WWOX: variants seen among roughly 807,000 people sequenced by gnomAD.
The protein encoded by WWOX is WW domain containing oxidoreductase, also known as WW domain-containing oxidoreductase.
WWOX carries 69 observed loss-of-function variants against 46.2 expected under a neutral mutation model. That is an observed-to-expected ratio of 1.49 (90% CI 1.23 to 1.82). The LOEUF (loss-of-function observed/expected upper bound fraction) is 1.82, where lower values mean the gene tolerates loss of function less well. Among genes scored for constraint, WWOX ranks in the 40% most tolerant of loss-of-function variants. The pLI is 0.00. For missense variants in WWOX, 919 were observed against 542.6 expected (o/e 1.69, Z -6.89); for synonymous variants, 359 against 202.6 (o/e 1.77, Z -6.56).
intron 3 of WWOX, among the ~76,000 whole-genome samples, chr16:78,112,676 TTTTTTTTTTTTTTCCAAGTTTTCTTTC>T (rs1287913919): frequency 1.1e-5 from 1 of 91,592 alleles, no homozygotes; most frequent in East Asian, 4.0e-4. Context: ...GTTGAAAATG[TTTTTTTTTTTTTTCCAAGTTTTCTTTC>T]TTTTTTTTTT....
At chr16:78,693,143 A>G (rs1471926389) in intron 8 of WWOX, among the ~76,000 whole-genome samples, 1 of 152,214 alleles carries the variant, frequency 6.6e-6, no homozygotes, top group Non-Finnish European at 1.5e-5. Flanking sequence ...TGTTGCAGAC[A>G]ATGTATATTT....
chr16:79,127,728 T>C (rs2049789263), intron 8 of WWOX, among the ~76,000 whole-genome samples: 1 of 151,354 alleles, frequency 6.6e-6, no homozygotes, highest in African/African-American at 2.4e-5. Flanking sequence ...ACATTCCCAC[T>C]AAGCAACATA....
chr16:79,113,756 A>C (rs944503895), intron 8 of WWOX, among the ~76,000 whole-genome samples: 6 of 152,156 alleles, frequency 3.9e-5, no homozygotes, highest in African/African-American at 1.4e-4. Flanking sequence ...TCACCCGAGG[A>C]GGGGAAGAGG....
At position 78,862,414 on chromosome 16, in the gene WWOX, CTG is replaced by C. The variant is rs200605086; in HGVS notation, c.1057-349190_1057-349189del. On this transcript the variant is annotated intron_variant, in intron 8 of 8. Transcript: ENST00000566780. ...CACACTATAGTGTATGTACTATACA[CTG>C]TGTACTAATACAGTGTATAATGTAT... Among the ~76,000 whole-genome samples, 353 of 151,638 alleles carry C rather than the reference CTG, an allele frequency of 2.3e-3. 10 individuals are homozygous for C. The East Asian group carries it at 0.064, about 27-fold the overall frequency.
chr16:78,626,632 C>G lies in WWOX; in HGVS notation c.1056+193880C>G, dbSNP rs151081140. Among the ~76,000 whole-genome samples the G allele has an allele frequency of 2.6e-3, 397 of 152,290 alleles. 2 individuals are homozygous for G. Among genetic ancestry groups the G allele is most frequent in the African/African-American group, 9.1e-3 (377 of 41,560 alleles). ...TAGGTTTCTCCACTGCACACTTAGT[C>G]TTTCCCTCTACTTTCCACACTGCTG... On this transcript the variant is annotated intron_variant, in intron 8 of 8. Transcript: ENST00000566780.
chr16:78,546,754 C>G (rs111596947), intron 8 of WWOX, among the ~76,000 whole-genome samples: 1 of 152,100 alleles, frequency 6.6e-6, no homozygotes, highest in Non-Finnish European at 1.5e-5. Flanking sequence ...TGAGAAAGCT[C>G]CATCTAAAGA....
intron 8 of WWOX, among the ~76,000 whole-genome samples, chr16:78,730,191 G>A (rs994088589): frequency 6.6e-6 from 1 of 152,072 alleles, no homozygotes; most frequent in Admixed American, 6.5e-5. Context: ...TTAAAGCTCT[G>A]GTTACATATG....
At chr16:78,376,081 C>T (rs1339806976) in intron 5 of WWOX, among the ~76,000 whole-genome samples, 1 of 152,092 alleles carries the variant, frequency 6.6e-6, no homozygotes, top group Non-Finnish European at 1.5e-5. Context: ...AACTCCTGAC[C>T]TCAAGTGATC....
chr16:78,189,741 G>A (rs1352310298), intron 5 of WWOX, among the ~76,000 whole-genome samples: 3 of 152,068 alleles, frequency 2.0e-5, no homozygotes, highest in Admixed American at 6.6e-5. Flanking sequence ...TGCAACCTCC[G>A]CCTCCCAAGT....
chr16:78,610,411 T>A (rs946564732), intron 8 of WWOX, among the ~76,000 whole-genome samples: 3 of 152,202 alleles, frequency 2.0e-5, no homozygotes, highest in African/African-American at 7.2e-5. Context: ...TCTTCTTCTA[T>A]CAAAGGAAGA....
chr16:78,554,285 C>T (rs956038618), intron 8 of WWOX, among the ~76,000 whole-genome samples: 10 of 152,118 alleles, frequency 6.6e-5, no homozygotes, highest in Admixed American at 1.3e-4. Context: ...GTATAAGCCC[C>T]GTAGTAATAT....
chr16:78,396,122 G>C (rs1033125507), intron 6 of WWOX, among the ~76,000 whole-genome samples: 2 of 152,170 alleles, frequency 1.3e-5, no homozygotes, highest in Non-Finnish European at 2.9e-5. Context: ...AACTTGGCTA[G>C]AGATTGGAAA....
intron 8 of WWOX, among the ~76,000 whole-genome samples, chr16:78,445,905 G>A (rs2083549651): frequency 6.6e-6 from 1 of 151,182 alleles, no homozygotes; most frequent in South Asian, 2.1e-4. Context: ...AGGGGAGGGG[G>A]GAAAGAAGAG....
chr16:78,443,826 G>C (rs1187844993), intron 8 of WWOX, among the ~76,000 whole-genome samples: 1 of 151,708 alleles, frequency 6.6e-6, no homozygotes, highest in Non-Finnish European at 1.5e-5. Flanking sequence ...TGCCTTCTTT[G>C]ATCCTCCCCT....
rs73579387 is a variant in WWOX, at chr16:78,885,569, A to G, written c.1057-326039A>G. Reference sequence around the variant, plus strand: ...GAGAAATGTGTTGGATGTGATTTCCAACATAGAGTTCTGCTAACCAAAATT... The same window carrying G: ...GAGAAATGTGTTGGATGTGATTTCCGACATAGAGTTCTGCTAACCAAAATT... On this transcript the variant is annotated intron_variant, in intron 8 of 8. Transcript: ENST00000566780. 9.2e-3 allele frequency among the ~76,000 whole-genome samples: 1,398 copies of G among 152,294 alleles called. 27 individuals carry two copies. The highest frequency in any genetic ancestry group is 0.032 in the African/African-American group (1,337 of 41,566).
intron 6 of WWOX, among the ~76,000 whole-genome samples, chr16:78,405,314 C>A (rs1597177075): frequency 6.6e-6 from 1 of 152,036 alleles, no homozygotes; most frequent in Non-Finnish European, 1.5e-5. Context: ...TCTATTCCAA[C>A]TGAAATAAAA....
chr16:79,122,293 G>T lies in WWOX; in HGVS notation c.1057-89315G>T, dbSNP rs538532755. On this transcript the variant is annotated intron_variant, in intron 8 of 8. Coordinates refer to ENST00000566780, the MANE Select transcript of WWOX (RefSeq NM_016373.4). ...AAAAAAGAAAAGGGAGGAGGTGGGA[G>T]GGAGGAAGCAACGAGTCCCTTGTTC... Among the ~76,000 whole-genome samples the T allele has an allele frequency of 9.8e-5, 15 of 152,288 alleles. No homozygotes were observed. The East Asian group carries it at 2.9e-3, about 29-fold the overall frequency.
chr16:78,697,928 C>G (rs2048135214), intron 8 of WWOX, among the ~76,000 whole-genome samples: 1 of 152,110 alleles, frequency 6.6e-6, no homozygotes, highest in Admixed American at 6.6e-5. Context: ...GGCCATGCTA[C>G]CTGTAAGCAA....
At chr16:79,169,370 C>T (rs1443087976) in intron 8 of WWOX, among the ~76,000 whole-genome samples, 1 of 152,210 alleles carries the variant, frequency 6.6e-6, no homozygotes, top group African/African-American at 2.4e-5. Context: ...AACTGCGTGG[C>T]TGCCTGTCAC....
Sources: gnomAD v4.1 joint callset for allele counts (sites outside exome capture counted in the v4.1 genomes callset) on GRCh38, gnomAD v4.1.1 for gene constraint, MANE v1.5 for transcripts, NCBI Gene and HGNC (gene_info 2026-07-23, HGNC 2026-07-21) for gene names.